Variants in C3orf38 observed in about 807,000 individuals in gnomAD.
C3orf38 encodes the protein uncharacterized protein C3orf38.
C3orf38 carries 18 observed loss-of-function variants against 28.3 expected under a neutral mutation model. The observed-to-expected ratio is 0.64, with a 90% CI of 0.44 to 0.94. The LOEUF (loss-of-function observed/expected upper bound fraction) is 0.94, where lower values mean the gene tolerates loss of function less well. C3orf38 is among the 40% of genes least tolerant of loss of function. The probability of loss-of-function intolerance (pLI) is 0.00; values close to 1 mark genes in which losing one functional copy is unlikely to be tolerated. For synonymous variants in C3orf38, 145 were observed against 138.1 expected, an observed-to-expected ratio of 1.05 and a Z score of -0.35; for missense variants, 364 against 396.4, an observed-to-expected ratio of 0.92 and a Z score of 0.69.
At chr3:88,150,318 G>A in intron 1 of C3orf38, 133 bp downstream of exon 1, 1 of 1,063,166 alleles carries the variant, frequency 9.4e-7, no homozygotes, top group Non-Finnish European at 1.3e-6. Context: ...CGCCGACTTG[G>A]GCTGCCGGGT....
rs1707485909 is a variant in C3orf38 at position 88,156,799 on chromosome 3, T to C, written c.*164T>C. On this transcript the variant is annotated 3_prime_UTR_variant, in exon 3 of 3. Coordinates refer to ENST00000318887, the MANE Select transcript of C3orf38 (RefSeq NM_173824.4). Reference sequence around the variant, plus strand: ...TTCAGATGTGAAAATTGACATATTTTAGTTGAAATACCTTTCTGGACTACA... The same window carrying C: ...TTCAGATGTGAAAATTGACATATTTCAGTTGAAATACCTTTCTGGACTACA... The C allele has an allele frequency of 1.2e-5, 9 of 723,882 alleles. No homozygotes were observed. Among genetic ancestry groups the C allele is most frequent in the Middle Eastern group, 7.9e-4 (2 of 2,518 alleles). The allele number at this position is 723,882 out of a possible 1,614,324, so 44.8% of individuals were successfully genotyped here.
At chr3:88,154,681 G>A (rs1331409187) in intron 2 of C3orf38, among the ~76,000 whole-genome samples, 2 of 152,122 alleles carry the variant, frequency 1.3e-5, no homozygotes, top group Non-Finnish European at 2.9e-5. Context: ...CTTCAAATTA[G>A]GGTCTGCAAT....
chr3:88,153,238 C>A lies in C3orf38; in HGVS notation c.142C>A (p.His48Asn). 6.2e-7 allele frequency: 1 copy of A among 1,607,928 alleles called. No individual in the cohort carries two copies. The highest frequency in any genetic ancestry group is 8.5e-7 in the Non-Finnish European group (1 of 1,178,138). Residue 48 changes from histidine to asparagine, a missense_variant, in exon 2 of 3, where the codon CAT (histidine) becomes AAT (asparagine). Coordinates refer to ENST00000318887, the MANE Select transcript of C3orf38 (RefSeq NM_173824.4). ...VQPQDRQDAVHAILAYSQSAE... is the reference protein window; with the variant it reads ...VQPQDRQDAVNAILAYSQSAE... ...TTGCAATTTCTTTCTAGATGCTGTT[C>A]ATGCAATATTAGCATACAGTCAAAG...
intron 2 of C3orf38, among the ~76,000 whole-genome samples, chr3:88,154,394 A>G (rs1707453748): frequency 6.6e-6 from 1 of 151,092 alleles, no homozygotes; most frequent in South Asian, 2.1e-4. Context: ...TTTTAACTAG[A>G]AAAAGTCCTA....
chr3:88,156,510 C>T lies in C3orf38; in HGVS notation c.865C>T (p.Pro289Ser), dbSNP rs143863539. The T allele has an allele frequency of 1.5e-3, 2,379 of 1,614,106 alleles. 30 individuals are homozygous for T. In the South Asian group the frequency reaches 0.017, roughly 11 times the overall value. Residue 289 changes from proline (P) to serine (S), a missense_variant, in exon 3 of 3, where the codon CCA (proline) becomes TCA (serine). Pro to Ser is a moderately conservative substitution (Grantham distance 74, BLOSUM62 -1). Coordinates refer to ENST00000318887, the MANE Select transcript of C3orf38 (RefSeq NM_173824.4). ...CCTTGCTCCTGGAACATTACCGAAA[C>T]CATCTGTTAAATTTGAACAAAGTGA... ...SSLAPGTLPK[P>S]SVKFEQSDLE...
chr3:88,156,607 C>G lies in C3orf38; in HGVS notation c.962C>G (p.Ser321Trp), dbSNP rs772773080. 1.2e-6 allele frequency: 2 copies of G among 1,611,202 alleles called. No homozygotes were observed. Among genetic ancestry groups the G allele is most frequent in the Non-Finnish European group, 1.7e-6 (2 of 1,178,808 alleles). The change falls in exon 3 of 3, where the codon TCG becomes TGG. Residue 321 changes from serine (S) to tryptophan (W), a missense_variant. By Grantham distance (177) the Ser-to-Trp change is radical. Coordinates refer to ENST00000318887, the MANE Select transcript of C3orf38 (RefSeq NM_173824.4). ...GTACGACATAATGTAAAGCAGGCTT[C>G]GGATAGTGGAACTGGGGACCAAGTT... ...NEVRHNVKQA[S>W]DSGTGDQV
rs1459926190 is a variant in C3orf38, at chr3:88,157,507, G to C, written c.*872G>C. The C allele has an allele frequency of 6.6e-6, 1 of 152,114 alleles. No individual in the cohort carries two copies. The highest frequency in any genetic ancestry group is 1.5e-5 in the Non-Finnish European group (1 of 68,024). 9.4% of individuals were successfully genotyped at this position (152,114 alleles called of 1,614,324 possible). The stretch of plus-strand genomic sequence containing the variant: ...TTCTTCCTCTTGGCTGATCTTGGCA[G>C]AGATGACAAAAAAAACCCCAAAACA... On this transcript the variant is annotated 3_prime_UTR_variant, in exon 3 of 3. Coordinates refer to ENST00000318887, the MANE Select transcript of C3orf38 (RefSeq NM_173824.4).
rs1707440011 is a variant in C3orf38 at position 88,153,267 on chromosome 3, A to G, written c.171A>G (p.Ala57=). 6.2e-7 allele frequency: 1 copy of G among 1,614,006 alleles called. No individual in the cohort carries two copies. Among genetic ancestry groups the G allele is most frequent in the Non-Finnish European group, 8.5e-7 (1 of 1,179,964 alleles). The change falls in exon 2 of 3, where the codon GCA becomes GCG. Residue 57 remains alanine (A), a synonymous_variant. Coordinates refer to ENST00000318887, the MANE Select transcript of C3orf38 (RefSeq NM_173824.4). ...CAATATTAGCATACAGTCAAAGTGC[A>G]GAAGAACTTCTGAGGCGTAGAAAAG... The part of the protein sequence containing the change: ...VHAILAYSQS[A]EELLRRRKVH...
At chr3:88,151,622 G>A (rs1707414315) in intron 1 of C3orf38, among the ~76,000 whole-genome samples, 1 of 152,182 alleles carries the variant, frequency 6.6e-6, no homozygotes, top group South Asian at 2.1e-4. Context: ...AGCACTGGGA[G>A]ATGTGTATGA....
rs1485508292 is a variant in C3orf38, at chr3:88,156,424, CT to C, written c.783del (p.Phe261LeufsTer13). ...FEQIFGLIRCPFVENTWKIKF... is the reference protein window; with the variant it reads ...FEQIFGLIRCXFVENTWKIKF... Reference sequence around the variant, plus strand: ...CAAATTTTTGGACTCATCCGCTGCCCTTTTGTGGAGAATACTTGGAAAATCA... The same window carrying C: ...CAAATTTTTGGACTCATCCGCTGCCCTTTGTGGAGAATACTTGGAAAATCA... On this transcript the variant is annotated frameshift_variant, in exon 3 of 3. Transcript: ENST00000318887. LOFTEE classifies it high-confidence loss of function. 1 of 1,614,150 alleles carries C rather than the reference CT, an allele frequency of 6.2e-7. No homozygotes were observed. Among genetic ancestry groups the C allele is most frequent in the Admixed American group, 1.7e-5 (1 of 60,022 alleles).
rs1226661773 is a variant in C3orf38, at chr3:88,156,711, G to T, written c.*76G>T. The T allele has an allele frequency of 2.1e-6, 3 of 1,459,706 alleles. No individual in the cohort carries two copies. Among genetic ancestry groups the T allele is most frequent in the Non-Finnish European group, 2.8e-6 (3 of 1,086,796 alleles). The allele number at this position is 1,459,706 out of a possible 1,614,324, so 90.4% of individuals were successfully genotyped here. On this transcript the variant is annotated 3_prime_UTR_variant, in exon 3 of 3. Coordinates refer to ENST00000318887, the MANE Select transcript of C3orf38 (RefSeq NM_173824.4). ...CCCTCTAAAGCGCTAAGTACTGTCA[G>T]CCTGAAAAAAATCTTCTATACAGAA... is the stretch of plus-strand genomic sequence containing the variant.
In C3orf38 at chr3:88,155,819, A is replaced by G. The variant is rs139065006; in HGVS notation, c.376-202A>G. ...TACTCTCTTAGCTGAATTTTCAGCA[A>G]TTTAAGCTGGAAATTTCTAAAATGA... On this transcript the variant is annotated intron_variant, in intron 2 of 2. Coordinates refer to ENST00000318887, the MANE Select transcript of C3orf38 (RefSeq NM_173824.4). 2.7e-3 allele frequency among the ~76,000 whole-genome samples: 411 copies of G among 152,308 alleles called. 2 individuals are homozygous for G. Among genetic ancestry groups the G allele is most frequent in the African/African-American group, 8.7e-3 (361 of 41,564 alleles).
intron 2 of C3orf38, among the ~76,000 whole-genome samples, chr3:88,155,614 A>G (rs1707469639): frequency 6.6e-6 from 1 of 151,898 alleles, no homozygotes; most frequent in South Asian, 2.1e-4. Flanking sequence ...ACACGCCACC[A>G]TGCCCGGCTA....
chr3:88,152,590 G>A (rs1002315140), intron 1 of C3orf38, among the ~76,000 whole-genome samples: 1 of 151,542 alleles, frequency 6.6e-6, no homozygotes, highest in South Asian at 2.1e-4. Context: ...GTGAAACCCT[G>A]TCTGTACTAA....
chr3:88,156,849 AC>A lies in C3orf38; in HGVS notation c.*216del, dbSNP rs1025503787. 3 of 483,284 alleles carry A rather than the reference AC, an allele frequency of 6.2e-6. No individual in the cohort carries two copies. Among genetic ancestry groups the A allele is most frequent in the African/African-American group, 2.0e-5 (1 of 50,850 alleles). The allele number at this position is 483,284 out of a possible 1,614,324, so 29.9% of individuals were successfully genotyped here. A position where few individuals can be genotyped will look rare whatever the true frequency, so the allele number is the denominator to read the frequency against. On this transcript the variant is annotated 3_prime_UTR_variant, in exon 3 of 3. Coordinates refer to ENST00000318887, the MANE Select transcript of C3orf38 (RefSeq NM_173824.4). ...AGACTTACATATCATGTGAATACTT[AC>A]CTATTTCTACCCGAGTTGCAGCAAG... is the stretch of plus-strand genomic sequence containing the variant.
At chr3:88,154,032 A>G (rs1287969382) in intron 2 of C3orf38, among the ~76,000 whole-genome samples, 1 of 152,156 alleles carries the variant, frequency 6.6e-6, no homozygotes, top group Admixed American at 6.5e-5. Context: ...AGCATCATCA[A>G]ATGAGGACTA....
At chr3:88,155,000 C>G (rs1212517447) in intron 2 of C3orf38, among the ~76,000 whole-genome samples, 1 of 152,024 alleles carries the variant, frequency 6.6e-6, no homozygotes, top group East Asian at 1.9e-4. Flanking sequence ...GCTGGAATTA[C>G]AGGCATGCGC....
At chr3:88,153,548 A>G in intron 2 of C3orf38, 77 bp downstream of exon 2, 1 of 1,498,940 alleles carries the variant, frequency 6.7e-7, no homozygotes, top group Non-Finnish European at 9.1e-7. Context: ...ATTGTGGGGA[A>G]CATGGTTAAT....
Position 88,156,713 on chromosome 3 carries a change from C to A in C3orf38, c.*78C>A, listed in dbSNP as rs1298222981. The A allele has an allele frequency of 1.4e-6, 2 of 1,443,154 alleles. No individual in the cohort carries two copies. Among genetic ancestry groups the A allele is most frequent in the Non-Finnish European group, 9.3e-7 (1 of 1,072,718 alleles). 89.4% of individuals were successfully genotyped at this position (1,443,154 alleles called of 1,614,324 possible). ...CTCTAAAGCGCTAAGTACTGTCAGC[C>A]TGAAAAAAATCTTCTATACAGAAAC... On this transcript the variant is annotated 3_prime_UTR_variant, in exon 3 of 3. Coordinates refer to ENST00000318887, the MANE Select transcript of C3orf38 (RefSeq NM_173824.4).
Sources: allele counts gnomAD v4.1 joint callset (sites outside exome capture counted in the v4.1 genomes callset), GRCh38; gene constraint gnomAD v4.1.1; transcripts MANE v1.5; gene names NCBI Gene and HGNC (gene_info 2026-07-23, HGNC 2026-07-21).